The following SLC12A6 variants were observed in gnomAD, a reference collection of about 807,000 sequenced individuals.
SLC12A6 encodes the protein K-Cl cotransporter 3.
Under a neutral mutation model 135.3 loss-of-function variants are expected in SLC12A6, and 66 were observed. The observed-to-expected ratio is 0.49, with a 90% CI of 0.40 to 0.60. SLC12A6 has a LOEUF of 0.60. Ranked by LOEUF, SLC12A6 falls within the 20% of genes least tolerant of loss-of-function variation. The probability of loss-of-function intolerance (pLI) is 0.00; values close to 1 mark genes in which losing one functional copy is unlikely to be tolerated. For synonymous variants in SLC12A6, 513 were observed against 508.8 expected, an observed-to-expected ratio of 1.01 and a Z score of -0.11; for missense variants, 1,058 against 1,452.3, an observed-to-expected ratio of 0.73 and a Z score of 4.41.
chr15:34,270,845 AGAG>A (rs1893878650), intron 3 of SLC12A6, among the ~76,000 whole-genome samples: 1 of 140,806 alleles, frequency 7.1e-6, no homozygotes, highest in African/African-American at 2.5e-5. Context: ...AAAAAAAAAA[AGAG>A]AGAGAGAAAA....
In SLC12A6 at chr15:34,254,337, C is replaced by CA; in HGVS notation, c.1118+10dup. The CA allele has an allele frequency of 6.2e-7, 1 of 1,612,120 alleles. No individual in the cohort carries two copies. Among genetic ancestry groups the CA allele is most frequent in the Non-Finnish European group, 8.5e-7 (1 of 1,178,568 alleles). The stretch of plus-strand genomic sequence containing the variant: ...CAATAAGGATGGCTAGGCAGAGAGA[C>CA]AGACACGTACGGGAAGTGTGGAGGA... On this transcript the variant is annotated intron_variant, in intron 9 of 25. Transcript: ENST00000354181.
chr15:34,281,753 A>C (rs957233817), intron 2 of SLC12A6, among the ~76,000 whole-genome samples: 2 of 152,156 alleles, frequency 1.3e-5, no homozygotes, highest in Admixed American at 6.5e-5. Flanking sequence ...GCGCCACTGC[A>C]CTCCAGCCTG....
At chr15:34,281,974 T>C (rs420576) in intron 2 of SLC12A6, among the ~76,000 whole-genome samples, 7,084 of 151,846 alleles carry the variant, frequency 0.047, 529 homozygotes, top group African/African-American at 0.16. Flanking sequence ...AAAAGATATA[T>C]AGAGCCTACA....
chr15:34,233,702 G>A lies in SLC12A6; in HGVS notation c.*179C>T. 1 of 638,068 alleles carries A rather than the reference G, an allele frequency of 1.6e-6. No homozygotes were observed. Among genetic ancestry groups the A allele is most frequent in the Non-Finnish European group, 2.9e-6 (1 of 347,732 alleles). The allele number at this position is 638,068 out of a possible 1,614,324, so 39.5% of individuals were successfully genotyped here. ...AATATTTGCTTTTTCTGTAATGACT[G>A]CAGATCAGATGGGAGCTCTTTTACA... On this transcript the variant is annotated 3_prime_UTR_variant, in exon 26 of 26. Transcript: ENST00000354181.
chr15:34,327,196 A>G lies in SLC12A6; in HGVS notation c.271+9214T>C, dbSNP rs185082498. ...AACTGATCATTTTTCAAAAGGGGAA[A>G]GAACTGACCTCATCTAATAGGGAAG... On this transcript the variant is annotated intron_variant, in intron 2 of 25. Transcript: ENST00000354181. Among the ~76,000 whole-genome samples the G allele has an allele frequency of 2.8e-3, 426 of 152,312 alleles. 4 individuals are homozygous for G. The highest frequency in any genetic ancestry group is 0.026 in the Admixed American group (401 of 15,300).
chr15:34,253,971 C>A (rs1273633425), intron 9 of SLC12A6, among the ~76,000 whole-genome samples: 1 of 152,194 alleles, frequency 6.6e-6, no homozygotes, highest in Admixed American at 6.5e-5. Context: ...AATCCCAGCA[C>A]GTCGGGAGGC....
Position 34,233,888 on chromosome 15 carries a change from T to C in SLC12A6, c.3446A>G (p.Tyr1149Cys). 6.4e-7 allele frequency: 1 copy of C among 1,572,234 alleles called. No individual in the cohort carries two copies. The highest frequency in any genetic ancestry group is 2.2e-5 in the East Asian group (1 of 44,684). ...RGGGSEVITI[Y>C]S ...ACGGTCATTCAGAGTAGGTTATGAA[T>C]AAATGGTGATCACTTCACTGCCACC... The change falls in exon 26 of 26, where the codon TAT (tyrosine) becomes TGT (cysteine). Residue 1149 changes from tyrosine to cysteine, a missense_variant. Around this residue, in one of 6 missense-constraint regions of SLC12A6, gnomAD observed 245 missense variants for 440.8 expected, o/e 0.56. Coordinates refer to ENST00000354181, the MANE Select transcript of SLC12A6 (RefSeq NM_001365088.1).
At chr15:34,271,909 C>T (rs979892858) in intron 3 of SLC12A6, among the ~76,000 whole-genome samples, 1 of 152,160 alleles carries the variant, frequency 6.6e-6, no homozygotes, top group Non-Finnish European at 1.5e-5. Context: ...ACCTACCAGG[C>T]CAAATTATCC....
intron 8 of SLC12A6, 105 bp from the exon 9 acceptor site, chr15:34,254,694 G>C (rs1187010598): frequency 9.2e-6 from 8 of 869,258 alleles, no homozygotes; most frequent in Non-Finnish European, 1.5e-5. Context: ...AAAGCTGAGA[G>C]AGAAAATGAC....
intron 15 of SLC12A6, 43 bp from the exon 16 acceptor site, chr15:34,244,115 G>T: frequency 9.0e-7 from 1 of 1,108,850 alleles, no homozygotes; most frequent in Non-Finnish European, 1.4e-6. Context: ...ACTGGAAGAT[G>T]ATTCTTTGAA....
In SLC12A6 at chr15:34,230,101, C is replaced by G; in HGVS notation, c.*3780G>C. Reference sequence around the variant, plus strand: ...AGAATAACTGCTGCTAAATCAAGAACTGTTGCAGCATCTCCTTTCAATAAA... The same window carrying G: ...AGAATAACTGCTGCTAAATCAAGAAGTGTTGCAGCATCTCCTTTCAATAAA... On this transcript the variant is annotated 3_prime_UTR_variant, in exon 26 of 26. Coordinates refer to ENST00000354181, the MANE Select transcript of SLC12A6 (RefSeq NM_001365088.1). The G allele has an allele frequency of 2.8e-6, 1 of 354,692 alleles. No individual in the cohort carries two copies. The highest frequency in any genetic ancestry group is 7.0e-5 in the South Asian group (1 of 14,350). The allele number at this position is 354,692 out of a possible 1,614,324, so 22.0% of individuals were successfully genotyped here.
intron 2 of SLC12A6, among the ~76,000 whole-genome samples, chr15:34,283,938 C>T (rs192540580): frequency 6.6e-6 from 1 of 152,002 alleles, no homozygotes; most frequent in Admixed American, 6.6e-5. Flanking sequence ...TTTATGGAGA[C>T]AGGATCTCCC....
At chr15:34,271,026 A>G (rs1305556027) in intron 3 of SLC12A6, among the ~76,000 whole-genome samples, 1 of 152,070 alleles carries the variant, frequency 6.6e-6, no homozygotes, top group Admixed American at 6.5e-5. Context: ...ACTCACAATC[A>G]TAAGAACATA....
At chr15:34,242,561 G>A (rs959806110) in intron 16 of SLC12A6, among the ~76,000 whole-genome samples, 1 of 152,006 alleles carries the variant, frequency 6.6e-6, no homozygotes, top group Non-Finnish European at 1.5e-5. Context: ...TATAAATAAC[G>A]GAACACTATC....
At chr15:34,243,529 C>A (rs776336570) in intron 16 of SLC12A6, among the ~76,000 whole-genome samples, 1 of 152,068 alleles carries the variant, frequency 6.6e-6, no homozygotes, top group African/African-American at 2.4e-5. Context: ...TCAGGCACTA[C>A]GATAAGCACT....
intron 3 of SLC12A6, among the ~76,000 whole-genome samples, chr15:34,265,416 C>CAAAAAAAAAAAAAAAAAAAAAA (rs1035614224): frequency 9.6e-6 from 1 of 103,668 alleles, no homozygotes; most frequent in African/African-American, 4.2e-5. Flanking sequence ...AAAAAAAAAA[C>CAAAAAAAAAAAAAAAAAAAAAA]AAACAAAAAA....
intron 2 of SLC12A6, among the ~76,000 whole-genome samples, chr15:34,280,900 G>A (rs1428056477): frequency 6.6e-6 from 1 of 152,066 alleles, no homozygotes; most frequent in East Asian, 1.9e-4. Flanking sequence ...GGAACTGAAG[G>A]ACATTATGTT....
intron 2 of SLC12A6, among the ~76,000 whole-genome samples, chr15:34,317,274 T>C (rs1888715383): frequency 6.6e-6 from 1 of 152,200 alleles, no homozygotes; most frequent in South Asian, 2.1e-4. Flanking sequence ...CCTTAAAAGT[T>C]TGCATCTTCA....
intron 15 of SLC12A6, among the ~76,000 whole-genome samples, chr15:34,244,692 A>G (rs1891868232): frequency 6.6e-6 from 1 of 152,162 alleles, no homozygotes. Flanking sequence ...ATTCCTTTAT[A>G]TGCATTCTCT....
Sources: gnomAD v4.1 joint callset for allele counts (sites outside exome capture counted in the v4.1 genomes callset) on GRCh38, gnomAD v4.1.1 for gene constraint, gnomAD v4.1.1 regional missense constraint, MANE v1.5 for transcripts, NCBI Gene and HGNC (gene_info 2026-07-23, HGNC 2026-07-21) for gene names.